The following ZAN variants were observed in gnomAD, a reference collection of about 807,000 sequenced individuals.
ZAN encodes the protein zonadhesin (gene/pseudogene).
ZAN carries 260 observed loss-of-function variants against 286.2 expected under a neutral mutation model. That is an observed-to-expected ratio of 0.91 (90% CI 0.82 to 1.01). ZAN has a LOEUF of 1.01. Ranked by LOEUF, ZAN falls within the 50% of genes least tolerant of loss-of-function variation. The pLI is 0.00. For synonymous variants in ZAN, 1,368 were observed against 1,417.5 expected (o/e 0.97, Z 0.79); for missense variants, 3,410 against 3,639.2 (o/e 0.94, Z 1.62).
chr7:100,744,466 G>A (rs977329447), intron 7 of ZAN, among the ~76,000 whole-genome samples: 2 of 150,928 alleles, frequency 1.3e-5, no homozygotes, highest in Admixed American at 1.3e-4. Flanking sequence ...GGGCTTGGTG[G>A]TGTGCACCTG....
At position 100,759,592 on chromosome 7, in the gene ZAN, C is replaced by T. The variant is rs1809393437; in HGVS notation, c.3572-129C>T. The T allele has an allele frequency of 1.2e-5, 15 of 1,238,066 alleles. No individual in the cohort carries two copies. The South Asian group carries it at 2.3e-4, about 19-fold the overall frequency. The allele number at this position is 1,238,066 out of a possible 1,614,324, so 76.7% of individuals were successfully genotyped here. On this transcript the variant is annotated intron_variant, in intron 17 of 47. Transcript: ENST00000613979. ...CTGCTCCTGTGTGGATCCGGCCTCC[C>T]CTACTGGACTTTGGGGCTGGTGTCT...
chr7:100,735,881 C>A, intron 3 of ZAN, 109 bp downstream of exon 3: 1 of 875,160 alleles, frequency 1.1e-6, no homozygotes, highest in Non-Finnish European at 1.8e-6. Context: ...CACCTCCAGT[C>A]CCCTCCGGGC....
At chr7:100,774,043 G>A (rs1288034567) in intron 31 of ZAN, among the ~76,000 whole-genome samples, 178 bp downstream of exon 31, 8 of 151,572 alleles carry the variant, frequency 5.3e-5, no homozygotes, top group Non-Finnish European at 1.2e-4. Context: ...GAACCTTGGG[G>A]CTCACCCATC....
At chr7:100,796,231 T>C (rs971777431) in intron 45 of ZAN, among the ~76,000 whole-genome samples, 12 of 152,106 alleles carry the variant, frequency 7.9e-5, no homozygotes, top group Admixed American at 2.6e-4. Context: ...CCTGTGTCCT[T>C]CTGTGCCTCT....
At chr7:100,739,220 C>A (rs1417221351) in intron 7 of ZAN, among the ~76,000 whole-genome samples, 1 of 135,604 alleles carries the variant, frequency 7.4e-6, no homozygotes, top group Non-Finnish European at 1.6e-5. Context: ...CCATGTTGGC[C>A]AGGCTGGTCT....
Position 100,763,886 on chromosome 7 carries a change from G to A in ZAN, c.4067G>A (p.Gly1356Glu). Residue 1356 changes from glycine (G) to glutamate (E), a missense_variant, in exon 21 of 48, where the codon GGA becomes GAA. Physicochemically the swap from Gly to Glu is moderately conservative, Grantham distance 98. Around this residue, in one of 7 missense-constraint regions of ZAN, gnomAD observed 1,042 missense variants for 1,058.0 expected, o/e 0.98. Coordinates refer to ENST00000613979, the MANE Select transcript of ZAN (RefSeq NM_003386.3). This position sits in a 1 kb window ranked among gnomAD's most constrained non-coding sequence, Gnocchi z 4.6. ...QSSMSGPGFCGRLVDTHGPFE... is the reference protein window; with the variant it reads ...QSSMSGPGFCERLVDTHGPFE... ...AGCATGTCGGGGCCAGGGTTCTGTGGACGGCTGGTCGACACTCATGGCCCA... is the reference window on the plus strand; with the variant it reads ...AGCATGTCGGGGCCAGGGTTCTGTGAACGGCTGGTCGACACTCATGGCCCA... 6.2e-7 allele frequency: 1 copy of A among 1,614,058 alleles called. No individual in the cohort carries two copies. Among genetic ancestry groups the A allele is most frequent in the African/African-American group, 1.3e-5 (1 of 75,070 alleles).
At chr7:100,765,967 G>A (rs1809939394) in intron 23 of ZAN, among the ~76,000 whole-genome samples, 1 of 149,112 alleles carries the variant, frequency 6.7e-6, no homozygotes. Context: ...CTTGTTTTTT[G>A]GTTTTTTGTT....
Position 100,747,544 on chromosome 7 carries a change from C to A in ZAN, c.932-6C>A. ...TCACTTCTCCTTCCAATTCCTTTCA[C>A]TGCAGGGAGTATCCGGAAACACACT... On this transcript the variant is annotated splice_region_variant and splice_polypyrimidine_tract_variant and intron_variant, in intron 8 of 47. Coordinates refer to ENST00000613979, the MANE Select transcript of ZAN (RefSeq NM_003386.3). 1 of 1,613,650 alleles carries A rather than the reference C, an allele frequency of 6.2e-7. No individual in the cohort carries two copies. Among genetic ancestry groups the A allele is most frequent in the Non-Finnish European group, 8.5e-7 (1 of 1,179,590 alleles).
Position 100,797,574 on chromosome 7 carries a change from TAG to T in ZAN, c.8370_8371del, listed in dbSNP as rs1812446265. On this transcript the variant is annotated splice_acceptor_variant, in intron 46 of 47. Coordinates refer to ENST00000613979, the MANE Select transcript of ZAN (RefSeq NM_003386.3). LOFTEE classifies it high-confidence loss of function. ...CCCATGTCTATTCCCCCATGCCTTC[TAG>T]AGAGAAAACGCAGGAGGGAGACAGA... 6.2e-7 allele frequency: 1 copy of T among 1,613,816 alleles called. No individual in the cohort carries two copies. Among genetic ancestry groups the T allele is most frequent in the East Asian group, 2.2e-5 (1 of 44,860 alleles).
intron 17 of ZAN, 131 bp from the exon 18 acceptor site, chr7:100,759,589 TC>T: frequency 1.6e-5 from 19 of 1,191,418 alleles, no homozygotes; most frequent in Non-Finnish European, 1.8e-5. Flanking sequence ...GGATCCGGCC[TC>T]CCCTACTGGA....
chr7:100,762,263 C>G lies in ZAN; in HGVS notation c.3891C>G (p.Asn1297Lys). 6.2e-7 allele frequency: 1 copy of G among 1,613,646 alleles called. No individual in the cohort carries two copies. The highest frequency in any genetic ancestry group is 8.5e-7 in the Non-Finnish European group (1 of 1,179,748). The change falls in exon 20 of 48, where the codon AAC becomes AAG. Residue 1297 changes from asparagine to lysine, a missense_variant. By Grantham distance (94) the Asn-to-Lys change is moderately conservative. Around this residue, in one of 7 missense-constraint regions of ZAN, gnomAD observed 1,042 missense variants for 1,058.0 expected, o/e 0.98. Coordinates refer to ENST00000613979, the MANE Select transcript of ZAN (RefSeq NM_003386.3). ...LCGLCGNYDG[N>K]SDNDHLKLDG... Reference sequence around the variant, plus strand: ...GTTTGTGTGGGAACTATGACGGCAACAGTGACAATGACCACCTGAAGTTGG... The same window carrying G: ...GTTTGTGTGGGAACTATGACGGCAAGAGTGACAATGACCACCTGAAGTTGG...
chr7:100,762,471 G>GC, intron 20 of ZAN, 113 bp downstream of exon 20: 1 of 1,343,612 alleles, frequency 7.4e-7, no homozygotes, highest in Non-Finnish European at 9.7e-7. Flanking sequence ...TGTCGCTTAG[G>GC]CTGGAGTGCA....
At chr7:100,746,815 C>A (rs1173333813) in intron 8 of ZAN, 113 bp downstream of exon 8, 2 of 1,246,924 alleles carry the variant, frequency 1.6e-6, no homozygotes, top group Admixed American at 2.2e-5. Flanking sequence ...GGAATATGTG[C>A]GAGACTATTC....
At chr7:100,749,155 A>G (rs1286627447) in intron 11 of ZAN, among the ~76,000 whole-genome samples, 2 of 151,668 alleles carry the variant, frequency 1.3e-5, no homozygotes, top group Admixed American at 1.3e-4. Flanking sequence ...GCTGGGCAAC[A>G]TAGTGAAACC....
At chr7:100,759,578 T>A in intron 17 of ZAN, 143 bp from the exon 18 acceptor site, 2 of 1,071,792 alleles carry the variant, frequency 1.9e-6, no homozygotes, top group East Asian at 5.8e-5. Flanking sequence ...TGCTCCTGTG[T>A]GGATCCGGCC....
In ZAN at chr7:100,776,580, G is replaced by C. The variant is rs1296377079; in HGVS notation, c.6317+16G>C. The C allele has an allele frequency of 6.6e-7, 1 of 1,520,576 alleles. No homozygotes were observed. Among genetic ancestry groups the C allele is most frequent in the African/African-American group, 1.4e-5 (1 of 71,128 alleles). 94.2% of individuals were successfully genotyped at this position (1,520,576 alleles called of 1,614,324 possible). On this transcript the variant is annotated intron_variant, in intron 34 of 47. Coordinates refer to ENST00000613979, the MANE Select transcript of ZAN (RefSeq NM_003386.3). ...TTGACCCAAGGTAGTGGTCCCCTAA[G>C]ACCCTCTAGGTTTTCTTTCTTTTTC...
rs1211087007 is a variant in ZAN at position 100,773,314 on chromosome 7, A to C, written c.5455A>C (p.Ser1819Arg). 2 of 1,613,676 alleles carry C rather than the reference A, an allele frequency of 1.2e-6. No individual in the cohort carries two copies. The highest frequency in any genetic ancestry group is 4.5e-5 in the East Asian group (2 of 44,894). Residue 1819 changes from serine (S) to arginine (R), a missense_variant, in exon 30 of 48, where the codon AGC becomes CGC. Physicochemically the swap from Ser to Arg is moderately radical, Grantham distance 110 (BLOSUM62 -1). This residue lies in a region of ZAN where 1,289 missense variants were observed against 1,314.3 expected (regional missense o/e 0.98). Transcript: ENST00000613979. ...GAGGTGCCCACCTGGCAGCAGCTAC[A>C]GCCCCTGCAGCAGCCCCTGCCCAGA... ...PMRCPPGSSY[S>R]PCSSPCPDTC...
At chr7:100,785,732 C>T (rs1317383964) in intron 36 of ZAN, among the ~76,000 whole-genome samples, 1 of 151,506 alleles carries the variant, frequency 6.6e-6, no homozygotes, top group African/African-American at 2.4e-5. Context: ...GATCTTGGCT[C>T]ACTGCAACCT....
chr7:100,752,080 G>T lies in ZAN; in HGVS notation c.1975G>T (p.Glu659Ter). ...ISTEKPTVPT[E>*]EPTTPTEETT... ...CACAGAAAAACCCACCGTCCCCACA[G>T]AAGAGCCCACCACCCCCACTGAGGA... The change falls in exon 14 of 48, where the codon GAA (glutamate) becomes TAA (stop). Residue 659 changes from glutamate to a stop codon, truncating the protein, a stop_gained. Coordinates refer to ENST00000613979, the MANE Select transcript of ZAN (RefSeq NM_003386.3). LOFTEE classifies it high-confidence loss of function. 1 of 1,612,274 alleles carries T rather than the reference G, an allele frequency of 6.2e-7. No individual in the cohort carries two copies. Among genetic ancestry groups the T allele is most frequent in the Non-Finnish European group, 8.5e-7 (1 of 1,179,636 alleles).
Sources: allele counts gnomAD v4.1 joint callset (sites outside exome capture counted in the v4.1 genomes callset), GRCh38; gene constraint gnomAD v4.1.1; regional missense constraint gnomAD v4.1.1; non-coding constraint Gnocchi (gnomAD v3.1); transcripts MANE v1.5; gene names NCBI Gene and HGNC (gene_info 2026-07-23, HGNC 2026-07-21).